Variants in MARCHF7 observed in about 807,000 individuals in gnomAD.
MARCHF7 encodes the protein membrane associated ring-CH-type finger 7, also known as E3 ubiquitin-protein ligase MARCHF7.
In MARCHF7, 20 loss-of-function variants were observed where a neutral mutation model predicts 76.5. That is an observed-to-expected ratio of 0.26 (90% confidence interval 0.18 to 0.38). MARCHF7 has a LOEUF of 0.38. Among genes scored for constraint, MARCHF7 ranks in the 10% least tolerant of loss-of-function variants. The pLI is 1.00. For synonymous variants in MARCHF7, 295 were observed against 293.0 expected (o/e 1.01, Z -0.07); for missense variants, 797 against 812.9 (o/e 0.98, Z 0.24).
rs551500569 is a variant in MARCHF7 at position 159,748,602 on chromosome 2, A to G, written c.1312A>G (p.Asn438Asp). The change falls in exon 7 of 12, where the codon AAT becomes GAT. Residue 438 changes from asparagine to aspartate, a missense_variant. Physicochemically the swap from Asn to Asp is conservative, Grantham distance 23 (BLOSUM62 1). Coordinates refer to ENST00000409175, the MANE Select transcript of MARCHF7 (RefSeq NM_001282805.2). The stretch of plus-strand genomic sequence containing the variant: ...TGAAGTGGTTCACCTTGAAGCACAG[A>G]ATGATCCTCTTGGAGCTGCTGCCAA... ...SNEVVHLEAQ[N>D]DPLGAAANRP... 1.2e-6 allele frequency: 2 copies of G among 1,614,244 alleles called. No homozygotes were observed. Among genetic ancestry groups the G allele is most frequent in the African/African-American group, 2.7e-5 (2 of 75,060 alleles).
intron 3 of MARCHF7, among the ~76,000 whole-genome samples, chr2:159,722,005 C>A (rs146941977): frequency 4.1e-4 from 62 of 152,286 alleles, no homozygotes; most frequent in Non-Finnish European, 4.0e-4. Context: ...AAGGAAAAGA[C>A]CATTTCATTG....
intron 4 of MARCHF7, chr2:159,733,945 T>G: frequency 7.9e-7 from 1 of 1,257,974 alleles, no homozygotes. Context: ...ATTTCCTAAA[T>G]ATCTTTCAGT....
intron 5 of MARCHF7, among the ~76,000 whole-genome samples, chr2:159,744,025 T>C (rs1704519859): frequency 8.9e-6 from 1 of 112,470 alleles, no homozygotes. Context: ...TCTCGCTCTG[T>C]CGCCCAGGCT....
chr2:159,736,339 G>A (rs575320427), intron 4 of MARCHF7, among the ~76,000 whole-genome samples: 4 of 152,234 alleles, frequency 2.6e-5, no homozygotes, highest in Admixed American at 2.6e-4. Flanking sequence ...TCTCATTGTG[G>A]TTTTGATTTG....
In MARCHF7 at chr2:159,743,254, G is replaced by A; in HGVS notation, c.346+1G>A. On this transcript the variant is annotated splice_donor_variant, in intron 5 of 11. Transcript: ENST00000409175. LOFTEE classifies it high-confidence loss of function. The stretch of plus-strand genomic sequence containing the variant: ...GGAAATGGTTTAAACACATTATCAG[G>A]TAAGAATGAGTTTCTGTAGGTATTT... The A allele has an allele frequency of 6.2e-7, 1 of 1,610,182 alleles. No individual in the cohort carries two copies. The highest frequency in any genetic ancestry group is 8.5e-7 in the Non-Finnish European group (1 of 1,177,494).
Position 159,764,651 on chromosome 2 carries a change from A to G in MARCHF7, c.2033A>G (p.Gln678Arg). 6.2e-7 allele frequency: 1 copy of G among 1,605,074 alleles called. No individual in the cohort carries two copies. Among genetic ancestry groups the G allele is most frequent in the Non-Finnish European group, 8.5e-7 (1 of 1,176,058 alleles). ...TTTATTAACCTTGCAAGAACTCTTC[A>G]GGCACATATGGAAGATCTCGAAAGT... Reference protein sequence around the residue: ...VRFINLARTLQAHMEDLETSE... With the variant: ...VRFINLARTLRAHMEDLETSE... Residue 678 changes from glutamine (Q) to arginine (R), a missense_variant, in exon 11 of 12, where the codon CAG (glutamine) becomes CGG (arginine). Gln to Arg is a conservative substitution (Grantham distance 43). This residue lies in a region of MARCHF7 where 124 missense variants were observed against 121.3 expected (regional missense o/e 1.02). Coordinates refer to ENST00000409175, the MANE Select transcript of MARCHF7 (RefSeq NM_001282805.2).
In MARCHF7 at chr2:159,752,250, G is replaced by A. The variant is rs150300416; in HGVS notation, c.1614-152G>A. ...CAGAGGGTTGCTGATGAATATAATT[G>A]TTATTGTTTTGTTGTTGTTACTGTT... On this transcript the variant is annotated intron_variant, in intron 7 of 11. Coordinates refer to ENST00000409175, the MANE Select transcript of MARCHF7 (RefSeq NM_001282805.2). 1.3e-4 allele frequency: 64 copies of A among 501,666 alleles called. No homozygotes were observed. In the East Asian group the frequency reaches 2.1e-3, roughly 16 times the overall value. The allele number at this position is 501,666 out of a possible 1,614,324, so 31.1% of individuals were successfully genotyped here. A position where few individuals can be genotyped will look rare whatever the true frequency, so the allele number is the denominator to read the frequency against.
chr2:159,744,328 T>C (rs1184719596), intron 5 of MARCHF7, among the ~76,000 whole-genome samples: 2 of 152,196 alleles, frequency 1.3e-5, no homozygotes, highest in Non-Finnish European at 2.9e-5. Flanking sequence ...GTCATAGTTT[T>C]AGTCCTCTAA....
intron 4 of MARCHF7, among the ~76,000 whole-genome samples, chr2:159,732,639 A>G (rs919336588): frequency 6.6e-6 from 1 of 152,268 alleles, no homozygotes; most frequent in Middle Eastern, 3.4e-3. Context: ...CAGCCTCCTG[A>G]GTAGCTGGGA....
intron 3 of MARCHF7, among the ~76,000 whole-genome samples, chr2:159,719,376 G>C (rs1701377938): frequency 6.6e-6 from 1 of 151,826 alleles, no homozygotes; most frequent in African/African-American, 2.4e-5. Context: ...GTGCTTCCTT[G>C]ACCACCCCCC....
At chr2:159,733,103 ATTAT>A (rs1560000957) in intron 4 of MARCHF7, 1 of 564,004 alleles carries the variant, frequency 1.8e-6, no homozygotes, top group East Asian at 2.3e-4. Context: ...TGTTACCATT[ATTAT>A]TTCCTGGCTT....
At position 159,752,525 on chromosome 2, in the gene MARCHF7, C is replaced by A; in HGVS notation, c.1737C>A (p.Val579=). 2 of 1,572,250 alleles carry A rather than the reference C, an allele frequency of 1.3e-6. No homozygotes were observed. The highest frequency in any genetic ancestry group is 1.7e-4 in the Middle Eastern group (1 of 5,948). The part of the protein sequence containing the change: ...PCKCTGSLQY[V]HQDCMKKWLQ... ...AGTGCACAGGAAGTTTGCAGTATGT[C>A]CACCAAGACTGTATGAAAAAGTGGT... The change falls in exon 8 of 12, where the codon GTC becomes GTA. Residue 579 remains valine (V), a synonymous_variant. Coordinates refer to ENST00000409175, the MANE Select transcript of MARCHF7 (RefSeq NM_001282805.2).
At chr2:159,760,269 C>A (rs986709355) in intron 9 of MARCHF7, among the ~76,000 whole-genome samples, 1 of 152,154 alleles carries the variant, frequency 6.6e-6, no homozygotes, top group African/African-American at 2.4e-5. Flanking sequence ...CTTTGAAAAT[C>A]TGATTAAAAC....
At chr2:159,717,266 A>G (rs998092555) in intron 3 of MARCHF7, among the ~76,000 whole-genome samples, 4 of 152,218 alleles carry the variant, frequency 2.6e-5, no homozygotes, top group Non-Finnish European at 5.9e-5. Flanking sequence ...GCAACGTTGC[A>G]TTACAAAGGG....
At chr2:159,733,279 C>G (rs72996620) in intron 4 of MARCHF7, 1 of 768,038 alleles carries the variant, frequency 1.3e-6, no homozygotes. Flanking sequence ...TCACACTCAC[C>G]CAGGTTGGAG....
intron 3 of MARCHF7, among the ~76,000 whole-genome samples, chr2:159,721,713 A>G (rs1254016051): frequency 1.3e-5 from 2 of 152,190 alleles, no homozygotes; most frequent in Non-Finnish European, 2.9e-5. Context: ...TTCCTCAGTC[A>G]TAGACTTGTT....
intron 4 of MARCHF7, chr2:159,734,159 T>C: frequency 9.3e-6 from 10 of 1,071,308 alleles, no homozygotes; most frequent in Non-Finnish European, 1.1e-5. Flanking sequence ...TTTGTGGATA[T>C]GTAATTTTGT....
At chr2:159,713,293 T>G (rs1021659970) in intron 1 of MARCHF7, among the ~76,000 whole-genome samples, 3 of 152,188 alleles carry the variant, frequency 2.0e-5, no homozygotes, top group Non-Finnish European at 2.9e-5. Flanking sequence ...AGTAGGAAAC[T>G]CCCTCATTTT....
chr2:159,751,657 G>T (rs967705820), intron 7 of MARCHF7, among the ~76,000 whole-genome samples: 6 of 152,092 alleles, frequency 3.9e-5, no homozygotes, highest in Admixed American at 3.3e-4. Flanking sequence ...CTGTATACCT[G>T]TTTCATGCCA....
Sources: allele counts gnomAD v4.1 joint callset (sites outside exome capture counted in the v4.1 genomes callset), GRCh38; gene constraint gnomAD v4.1.1; regional missense constraint gnomAD v4.1.1; transcripts MANE v1.5; gene names NCBI Gene and HGNC (gene_info 2026-07-23, HGNC 2026-07-21).